GATA4: variants seen among roughly 807,000 people sequenced by gnomAD.
The protein encoded by GATA4 is GATA binding protein 4.
Under a neutral mutation model 37.9 loss-of-function variants are expected in GATA4, and 7 were observed. The ratio of observed to expected loss-of-function variants is 0.18; its 90% CI spans 0.11 to 0.35. GATA4 has a LOEUF of 0.35. Ranked by LOEUF, GATA4 falls within the 10% of genes least tolerant of loss-of-function variation. The pLI, the probability that GATA4 is intolerant of heterozygous loss-of-function variation, is 1.00. For missense variants in GATA4, 647 were observed against 653.0 expected (o/e 0.99, Z 0.10); for synonymous variants, 372 against 292.6 (o/e 1.27, Z -2.77).
At chr8:11,692,711 G>C in intron 1 of GATA4, 1 of 985,146 alleles carries the variant, frequency 1.0e-6, no homozygotes, top group Non-Finnish European at 1.2e-6. Context: ...CCGTCGGGAG[G>C]CTGGGAGGGA....
At chr8:11,705,688 C>T in intron 1 of GATA4, among the ~76,000 whole-genome samples, 1 of 152,204 alleles carries the variant, frequency 6.6e-6, no homozygotes, top group East Asian at 1.9e-4. Context: ...CAGCTAATTC[C>T]TTGTTTTTCC....
chr8:11,700,176 G>C (rs1273501139), upstream of GATA4, among the ~76,000 whole-genome samples: 1 of 152,236 alleles, frequency 6.6e-6, no homozygotes, highest in Non-Finnish European at 1.5e-5. Flanking sequence ...TAATCTGGAA[G>C]TGACTATAAA....
At position 11,758,350 on chromosome 8, in the gene GATA4, G is replaced by A; in HGVS notation, c.1207G>A (p.Ala403Thr). The change falls in exon 7 of 7, where the codon GCC becomes ACC. Residue 403 changes from alanine (A) to threonine (T), a missense_variant. Ala to Thr is a moderately conservative substitution (Grantham distance 58, BLOSUM62 0). Transcript: ENST00000532059. ...HGPSIHPVLSALKLSPQGYAS... is the reference protein window; with the variant it reads ...HGPSIHPVLSTLKLSPQGYAS... ...GCCCTCCATCCACCCTGTCCTCTCGGCCCTGAAGCTCTCCCCACAAGGCTA... is the reference window on the plus strand; with the variant it reads ...GCCCTCCATCCACCCTGTCCTCTCGACCCTGAAGCTCTCCCCACAAGGCTA... The A allele has an allele frequency of 2.5e-6, 4 of 1,614,144 alleles. No homozygotes were observed. Among genetic ancestry groups the A allele is most frequent in the Non-Finnish European group, 3.4e-6 (4 of 1,180,016 alleles).
chr8:11,746,204 G>C (rs531972662), intron 2 of GATA4, among the ~76,000 whole-genome samples: 3 of 151,804 alleles, frequency 2.0e-5, no homozygotes, highest in African/African-American at 7.3e-5. Flanking sequence ...CTGCAGCCTG[G>C]GTGACAGAGT....
At chr8:11,686,425 G>T (rs2129954040) in intron 1 of GATA4, among the ~76,000 whole-genome samples, 1 of 152,050 alleles carries the variant, frequency 6.6e-6, no homozygotes, top group East Asian at 1.9e-4. Context: ...AATTTTTGAG[G>T]TTGGCCTTCG....
intron 1 of GATA4, among the ~76,000 whole-genome samples, chr8:11,706,732 C>A (rs967818160): frequency 3.9e-5 from 6 of 152,064 alleles, no homozygotes; most frequent in Non-Finnish European, 7.4e-5. Context: ...AGCTTCAAGC[C>A]CCTGGAGCCC....
At chr8:11,690,892 T>A (rs1205001104), upstream of GATA4, among the ~76,000 whole-genome samples, 2 of 152,078 alleles carry the variant, frequency 1.3e-5, no homozygotes, top group Non-Finnish European at 2.9e-5. Context: ...ACAAAAAAGG[T>A]TATGTAAGAA....
chr8:11,733,387 A>G (rs1189697649), intron 2 of GATA4, among the ~76,000 whole-genome samples: 2 of 152,254 alleles, frequency 1.3e-5, no homozygotes, highest in African/African-American at 4.8e-5. Context: ...TTGCCTTATC[A>G]GAAATCAAAA....
At chr8:11,726,317 G>C (rs1370966866) in intron 2 of GATA4, among the ~76,000 whole-genome samples, 2 of 152,238 alleles carry the variant, frequency 1.3e-5, no homozygotes, top group East Asian at 1.9e-4. Context: ...AGGACCCTGA[G>C]AGACGCCAGG....
intron 1 of GATA4, chr8:11,692,803 G>A (rs1310131476): frequency 2.5e-5 from 25 of 982,284 alleles, no homozygotes; most frequent in Admixed American, 1.2e-4. Context: ...AGCGGGGCCG[G>A]CGCAGCGGGC....
chr8:11,711,043 G>A (rs942411086), intron 2 of GATA4, among the ~76,000 whole-genome samples: 7 of 152,022 alleles, frequency 4.6e-5, no homozygotes, highest in Non-Finnish European at 8.8e-5. Flanking sequence ...CCCGGGAGGC[G>A]GAGGTTGAGT....
intron 1 of GATA4, among the ~76,000 whole-genome samples, chr8:11,679,597 G>C (rs1388786969): frequency 6.6e-6 from 1 of 152,180 alleles, no homozygotes; most frequent in African/African-American, 2.4e-5. Flanking sequence ...AGAGGAGCTG[G>C]GCGCGCGGCC....
chr8:11,692,728 G>T (rs1425261796), intron 1 of GATA4: 1 of 984,578 alleles, frequency 1.0e-6, no homozygotes. Context: ...GGGAGAGCAG[G>T]CGCCGGGACC....
At chr8:11,705,497 G>T (rs998266165) in intron 1 of GATA4, among the ~76,000 whole-genome samples, 2 of 152,210 alleles carry the variant, frequency 1.3e-5, no homozygotes, top group African/African-American at 4.8e-5. Flanking sequence ...GCTATTGGTT[G>T]ATTCTTGAAA....
chr8:11,719,972 C>G (rs888907348), intron 2 of GATA4, among the ~76,000 whole-genome samples: 4 of 152,162 alleles, frequency 2.6e-5, no homozygotes, highest in Admixed American at 6.5e-5. Context: ...GTGTGATTTA[C>G]TAGGCCTCAC....
chr8:11,683,163 C>T (rs946328974), intron 1 of GATA4: 33 of 966,816 alleles, frequency 3.4e-5, no homozygotes, highest in Non-Finnish European at 3.8e-5. Context: ...TGGAGGGGCT[C>T]GCTATCTAAT....
At chr8:11,680,799 T>G (rs2129925220) in intron 1 of GATA4, 22 of 985,306 alleles carry the variant, frequency 2.2e-5, no homozygotes, top group Non-Finnish European at 2.5e-5. Context: ...CCCCTCGCCC[T>G]GCTCACCCCG....
At chr8:11,722,910 T>A (rs1169322641) in intron 2 of GATA4, among the ~76,000 whole-genome samples, 1 of 152,234 alleles carries the variant, frequency 6.6e-6, no homozygotes, top group Non-Finnish European at 1.5e-5. Context: ...TTTGGTTACT[T>A]GGAGGTACAG....
chr8:11,723,602 C>T (rs564899645), intron 2 of GATA4, among the ~76,000 whole-genome samples: 69 of 152,274 alleles, frequency 4.5e-4, no homozygotes, highest in Middle Eastern at 3.4e-3. Context: ...TGAGGAATGG[C>T]GTTTGGAGAT....
Sources: gnomAD v4.1 joint callset for allele counts (sites outside exome capture counted in the v4.1 genomes callset) on GRCh38, gnomAD v4.1.1 for gene constraint, MANE v1.5 for transcripts, NCBI Gene and HGNC (gene_info 2026-07-23, HGNC 2026-07-21) for gene names.